Variants in DEFB108B observed in about 807,000 individuals in gnomAD.
DEFB108B encodes the protein beta-defensin 108B.
DEFB108B carries 3 observed loss-of-function variants against 2.4 expected under a neutral mutation model. The ratio of observed to expected loss-of-function variants is 1.25; its 90% confidence interval spans 0.57 to 3.24. DEFB108B has a LOEUF of 3.24. DEFB108B is among the 30% of genes most tolerant of loss of function. The pLI is 0.03. For synonymous variants in DEFB108B, 25 were observed against 28.7 expected (o/e 0.87, Z 0.41); for missense variants, 101 against 87.8 (o/e 1.15, Z -0.60).
chr11:71,834,956 A>G (rs956323045), intron 1 of DEFB108B: 1 of 152,250 alleles, frequency 6.6e-6, no homozygotes, highest in Non-Finnish European at 1.5e-5. Flanking sequence ...CACAATATGC[A>G]ATACACAAGG....
chr11:71,833,568 C>G (rs1271082809), intron 1 of DEFB108B, among the ~76,000 whole-genome samples: 1 of 152,226 alleles, frequency 6.6e-6, no homozygotes, highest in African/African-American at 2.4e-5. Context: ...GTCTCCAAAG[C>G]TCCTCTAGTT....
chr11:71,837,335 T>A (rs1268650360), intron 1 of DEFB108B, 64 bp from the exon 2 acceptor site: 2 of 1,584,610 alleles, frequency 1.3e-6, no homozygotes, highest in Non-Finnish European at 8.7e-7. Context: ...CCTACATCCA[T>A]GTAATTCAAC....
In DEFB108B at chr11:71,837,031, C is replaced by T. The variant is rs149342373; in HGVS notation, c.59-368C>T. On this transcript the variant is annotated intron_variant, in intron 1 of 1. Coordinates refer to ENST00000328698, the MANE Select transcript of DEFB108B (RefSeq NM_001002035.2). ...TCTTCTCTTTCGCTCCAGGAAAATCCATAGTGCAAGACATTAAATTTTTTT... is the reference window on the plus strand; with the variant it reads ...TCTTCTCTTTCGCTCCAGGAAAATCTATAGTGCAAGACATTAAATTTTTTT... 2.2e-3 allele frequency: 393 copies of T among 177,866 alleles called. 3 individuals are homozygous for T. The highest frequency in any genetic ancestry group is 8.9e-3 in the African/African-American group (369 of 41,656). 11.0% of individuals were successfully genotyped at this position (177,866 alleles called of 1,614,324 possible).
rs576938949 is a variant in DEFB108B at position 71,835,401 on chromosome 11, C to G, written c.59-1998C>G. ...AAGTCCTCCAGCTGCATCCATGTTA[C>G]TGAAAAAGACACAGTTTTGTTCTTT... is the stretch of plus-strand genomic sequence containing the variant. On this transcript the variant is annotated intron_variant, in intron 1 of 1. Transcript: ENST00000328698. Among the ~76,000 whole-genome samples, 6 of 152,288 alleles carry G rather than the reference C, an allele frequency of 3.9e-5. No homozygotes were observed. The South Asian group carries it at 1.2e-3, about 32-fold the overall frequency.
At position 71,835,937 on chromosome 11, in the gene DEFB108B, C is replaced by T. The variant is rs530197545; in HGVS notation, c.59-1462C>T. ...TGAGGTCAGATGAGAAAACACCACC[C>T]GTAGTAGAATGCAAGAAGTACTACC... On this transcript the variant is annotated intron_variant, in intron 1 of 1. Coordinates refer to ENST00000328698, the MANE Select transcript of DEFB108B (RefSeq NM_001002035.2). Among the ~76,000 whole-genome samples the T allele has an allele frequency of 8.9e-4, 135 of 152,186 alleles. 2 individuals carry two copies. The South Asian group carries it at 0.025, about 28-fold the overall frequency.
rs1590714490 is a variant in DEFB108B at position 71,833,841 on chromosome 11, G to A, written c.58+584G>A. ...GTAGAATTTAAACACAGGAACCAGG[G>A]ATGACCCCACACCAGGGCATAGCCT... On this transcript the variant is annotated intron_variant, in intron 1 of 1. Transcript: ENST00000328698. Among the ~76,000 whole-genome samples the A allele has an allele frequency of 5.3e-5, 8 of 152,220 alleles. 1 individual carries two copies. In the East Asian group the frequency reaches 1.5e-3, roughly 29 times the overall value.
Position 71,837,472 on chromosome 11 carries a change from C to A in DEFB108B, c.132C>A (p.Ile44=). Residue 44 remains isoleucine (I), a synonymous_variant, in exon 2 of 2, where the codon ATC becomes ATA. Transcript: ENST00000328698. ...GGGACTTTTGCCTTGAAACAGAAATCCATGTTGGGAGATGTTTAAATAGCC... is the reference window on the plus strand; with the variant it reads ...GGGACTTTTGCCTTGAAACAGAAATACATGTTGGGAGATGTTTAAATAGCC... ...SCRDFCLETE[I]HVGRCLNSQP... is the part of the protein sequence containing the mutation. 6.2e-7 allele frequency: 1 copy of A among 1,611,980 alleles called. No individual in the cohort carries two copies. Among genetic ancestry groups the A allele is most frequent in the Non-Finnish European group, 8.5e-7 (1 of 1,179,852 alleles).
At chr11:71,835,949 C>G (rs1952213746) in intron 1 of DEFB108B, among the ~76,000 whole-genome samples, 1 of 152,132 alleles carries the variant, frequency 6.6e-6, no homozygotes, top group African/African-American at 2.4e-5. Flanking sequence ...TAGTAGAATG[C>G]AAGAAGTACT....
In DEFB108B at chr11:71,836,950, GTGTGTGTGTGTGTC is replaced by G. The variant is rs1256875246; in HGVS notation, c.59-439_59-426del. 820 of 116,266 alleles carry G rather than the reference GTGTGTGTGTGTGTC, an allele frequency of 7.1e-3. 6 individuals are homozygous for G. Among genetic ancestry groups the G allele is most frequent in the African/African-American group, 0.022 (786 of 35,878 alleles). The allele number at this position is 116,266 out of a possible 1,614,324, so 7.2% of individuals were successfully genotyped here. The stretch of plus-strand genomic sequence containing the variant: ...TATCATATAGAGTGTGTGTTTGTGT[GTGTGTGTGTGTGTC>G]TGTGTGTGTAGAAATAAAAAGAGAT... On this transcript the variant is annotated intron_variant, in intron 1 of 1. Transcript: ENST00000328698.
At chr11:71,834,658 G>A (rs1952203700) in intron 1 of DEFB108B, 1 of 152,186 alleles carries the variant, frequency 6.6e-6, no homozygotes. Flanking sequence ...ATGTCCTTAG[G>A]TAGACATTGA....
Position 71,837,682 on chromosome 11 carries a change from A to G in DEFB108B, c.*120A>G. 1 of 1,343,284 alleles carries G rather than the reference A, an allele frequency of 7.4e-7. No homozygotes were observed. The highest frequency in any genetic ancestry group is 1.0e-6 in the Non-Finnish European group (1 of 994,678). The allele number at this position is 1,343,284 out of a possible 1,614,324, so 83.2% of individuals were successfully genotyped here. A position where few individuals can be genotyped will look rare whatever the true frequency, so the allele number is the denominator to read the frequency against. ...GGGATTTTTATTGAATCCTCAAAAA[A>G]GAATAAACCAAAACCAACCAGCACA... On this transcript the variant is annotated 3_prime_UTR_variant, in exon 2 of 2. Transcript: ENST00000328698.
intron 1 of DEFB108B, among the ~76,000 whole-genome samples, chr11:71,835,754 C>T: frequency 6.6e-6 from 1 of 152,264 alleles, no homozygotes; most frequent in South Asian, 2.1e-4. Flanking sequence ...TCTGCACAAA[C>T]ATATTGCAAG....
chr11:71,837,402 G>C lies in DEFB108B; in HGVS notation c.62G>C (p.Arg21Thr). Residue 21 changes from arginine (R) to threonine (T), a missense_variant, in exon 2 of 2, where the codon AGG (arginine) becomes ACG (threonine). Arg to Thr is a moderately conservative substitution (Grantham distance 71). Coordinates refer to ENST00000328698, the MANE Select transcript of DEFB108B (RefSeq NM_001002035.2). ...AATAACCCTCTTCTTCATGTAGCCA[G>C]GGGCAAATTCAAGGAGATCTGTGAA... ...FFFMSQVLPARGKFKEICERP... is the reference protein window; with the variant it reads ...FFFMSQVLPATGKFKEICERP... 6.2e-7 allele frequency: 1 copy of C among 1,611,672 alleles called. No individual in the cohort carries two copies. The highest frequency in any genetic ancestry group is 2.3e-4 in the Middle Eastern group (1 of 4,428).
At chr11:71,834,268 C>T (rs1049145518) in intron 1 of DEFB108B, among the ~76,000 whole-genome samples, 1 of 152,120 alleles carries the variant, frequency 6.6e-6, no homozygotes, top group Non-Finnish European at 1.5e-5. Context: ...CTCGGTAGCA[C>T]ACAACATCGG....
intron 1 of DEFB108B, among the ~76,000 whole-genome samples, chr11:71,836,330 G>C (rs1349290203): frequency 6.6e-6 from 1 of 152,144 alleles, no homozygotes; most frequent in Non-Finnish European, 1.5e-5. Context: ...CCACTGAAAA[G>C]TTAAATGGAA....
intron 1 of DEFB108B, among the ~76,000 whole-genome samples, chr11:71,834,544 A>G (rs1183632402): frequency 6.6e-6 from 1 of 152,216 alleles, no homozygotes; most frequent in Non-Finnish European, 1.5e-5. Context: ...CAGCACAGGC[A>G]GAAGCATTAC....
intron 1 of DEFB108B, among the ~76,000 whole-genome samples, chr11:71,836,545 T>C (rs1952219962): frequency 6.6e-6 from 1 of 152,212 alleles, no homozygotes; most frequent in Admixed American, 6.5e-5. Context: ...TGCTCAGAAT[T>C]AAAACACTTT....
chr11:71,834,188 C>A (rs1453855490), intron 1 of DEFB108B, among the ~76,000 whole-genome samples: 2 of 152,166 alleles, frequency 1.3e-5, no homozygotes, highest in African/African-American at 4.8e-5. Context: ...CCCTGGAGTT[C>A]TGTTGTGCCG....
Position 71,837,520 on chromosome 11 carries a change from G to A in DEFB108B, c.180G>A (p.Gly60=), listed in dbSNP as rs777312251. 6 of 1,611,908 alleles carry A rather than the reference G, an allele frequency of 3.7e-6. 1 individual carries two copies. In the South Asian group the frequency reaches 4.4e-5, roughly 12 times the overall value. Residue 60 remains glycine, a synonymous_variant, in exon 2 of 2, where the codon GGG becomes GGA. Transcript: ENST00000328698. ...GCCAACCCTGCTGCCTGCCTCTGGG[G>A]CATCAACCAAGAATTGAGAGCACTA... is the stretch of plus-strand genomic sequence containing the variant. ...LNSQPCCLPL[G]HQPRIESTTP...
Sources: gnomAD v4.1 joint callset for allele counts (sites outside exome capture counted in the v4.1 genomes callset) on GRCh38, gnomAD v4.1.1 for gene constraint, MANE v1.5 for transcripts, NCBI Gene and HGNC (gene_info 2026-07-23, HGNC 2026-07-21) for gene names.